The following ANKS1B variants were observed in gnomAD, a reference collection of about 807,000 sequenced individuals.
ANKS1B encodes ankyrin repeat and sterile alpha motif domain containing 1B.
ANKS1B carries 36 observed loss-of-function variants against 148.3 expected under a neutral mutation model. The ratio of observed to expected loss-of-function variants is 0.24; its 90% CI spans 0.19 to 0.32. ANKS1B has a LOEUF of 0.32. Ranked by LOEUF, ANKS1B falls within the 10% of genes least tolerant of loss-of-function variation. The probability of loss-of-function intolerance (pLI) is 1.00; values close to 1 mark genes in which losing one functional copy is unlikely to be tolerated. For synonymous variants in ANKS1B, 542 were observed against 560.8 expected (o/e 0.97, Z 0.47); for missense variants, 1,157 against 1,542.6 (o/e 0.75, Z 4.19).
chr12:99,953,593 GAA>G (rs5800394), intron 1 of ANKS1B, among the ~76,000 whole-genome samples: 3 of 142,352 alleles, frequency 2.1e-5, no homozygotes, highest in Admixed American at 7.0e-5. Flanking sequence ...GTTGTTTAAG[GAA>G]AAAAAAAAAA....
intron 17 of ANKS1B, among the ~76,000 whole-genome samples, chr12:98,923,619 G>A (rs77049708): frequency 0.019 from 2,893 of 152,276 alleles, 39 homozygotes; most frequent in Non-Finnish European, 0.031. Context: ...GAGTGAATCT[G>A]TAGAAACCAC....
At chr12:99,687,938 C>A (rs910288494) in intron 8 of ANKS1B, among the ~76,000 whole-genome samples, 10 of 152,228 alleles carry the variant, frequency 6.6e-5, no homozygotes, top group Non-Finnish European at 7.3e-5. Flanking sequence ...TTCTTTATAA[C>A]CAGGACATAG....
intron 10 of ANKS1B, among the ~76,000 whole-genome samples, chr12:99,495,827 A>T (rs1432009887): frequency 6.6e-6 from 1 of 152,224 alleles, no homozygotes; most frequent in Non-Finnish European, 1.5e-5. Context: ...TAATTTCAAA[A>T]TTTTGGCAAT....
intron 9 of ANKS1B, among the ~76,000 whole-genome samples, chr12:99,546,442 T>C (rs2097173437): frequency 6.6e-6 from 1 of 152,186 alleles, no homozygotes; most frequent in African/African-American, 2.4e-5. Context: ...TATGTTCTAG[T>C]CACTCTAGAA....
At chr12:99,263,896 T>C (rs2076177290) in intron 12 of ANKS1B, among the ~76,000 whole-genome samples, 1 of 152,160 alleles carries the variant, frequency 6.6e-6, no homozygotes, top group Non-Finnish European at 1.5e-5. Flanking sequence ...GTAGTATCTT[T>C]ATATCAGTGT....
chr12:99,984,079 C>T lies in ANKS1B; in HGVS notation c.134+25G>A, dbSNP rs775103782. ...CACAATGCATAATGAGGTGTGCCAA[C>T]CCCGGAGCTGGTGCCCGTCCTTACC... On this transcript the variant is annotated intron_variant, in intron 1 of 26. Coordinates refer to ENST00000683438, the MANE Select transcript of ANKS1B (RefSeq NM_001352186.2). The T allele has an allele frequency of 1.1e-5, 17 of 1,600,140 alleles. No homozygotes were observed. In the African/African-American group the frequency reaches 2.1e-4, roughly 20 times the overall value.
At chr12:99,113,110 A>T (rs971859204) in intron 15 of ANKS1B, among the ~76,000 whole-genome samples, 1 of 152,234 alleles carries the variant, frequency 6.6e-6, no homozygotes, top group Non-Finnish European at 1.5e-5. Context: ...TCTTTAATGC[A>T]GTGTTTTAGA....
chr12:99,180,526 G>T (rs1259706271), intron 14 of ANKS1B, among the ~76,000 whole-genome samples: 1 of 151,862 alleles, frequency 6.6e-6, no homozygotes, highest in African/African-American at 2.4e-5. Context: ...ACTGTTGGAG[G>T]TTTGTTTCTT....
At chr12:99,605,222 A>G (rs746103626) in intron 9 of ANKS1B, among the ~76,000 whole-genome samples, 20 of 152,110 alleles carry the variant, frequency 1.3e-4, no homozygotes, top group Admixed American at 4.6e-4. Flanking sequence ...ATTGATACAG[A>G]ATTATGCATA....
At position 99,155,039 on chromosome 12, in the gene ANKS1B, C is replaced by G. The variant is rs1389001660; in HGVS notation, c.2420-644G>C. On this transcript the variant is annotated intron_variant, in intron 14 of 26. Coordinates refer to ENST00000683438, the MANE Select transcript of ANKS1B (RefSeq NM_001352186.2). Reference sequence around the variant, plus strand: ...TGCAGAAAATAGCAAGATTCAAAAGCAAACCAAAGTGCTTAAATCTGAATT... The same window carrying G: ...TGCAGAAAATAGCAAGATTCAAAAGGAAACCAAAGTGCTTAAATCTGAATT... The G allele has an allele frequency of 2.0e-6, 3 of 1,535,058 alleles. No homozygotes were observed. The African/African-American group carries it at 4.1e-5, about 21-fold the overall frequency.
intron 12 of ANKS1B, among the ~76,000 whole-genome samples, chr12:99,305,857 G>A (rs1020100817): frequency 6.6e-6 from 1 of 152,110 alleles, no homozygotes; most frequent in Non-Finnish European, 1.5e-5. Context: ...TCCAGTAATG[G>A]AGAACCCATT....
At chr12:98,799,586 G>C (rs1210602109) in intron 21 of ANKS1B, among the ~76,000 whole-genome samples, 1 of 152,036 alleles carries the variant, frequency 6.6e-6, no homozygotes, top group African/African-American at 2.4e-5. Context: ...AGAGAGCTGG[G>C]TTCCTGGTGC....
At chr12:99,944,036 T>G (rs541299786) in intron 1 of ANKS1B, among the ~76,000 whole-genome samples, 8 of 151,970 alleles carry the variant, frequency 5.3e-5, no homozygotes, top group Admixed American at 5.2e-4. Context: ...TCCTGCTCCT[T>G]CTCCTATAAA....
chr12:99,334,566 C>T (rs1278755204), intron 12 of ANKS1B, among the ~76,000 whole-genome samples: 1 of 151,894 alleles, frequency 6.6e-6, no homozygotes, highest in South Asian at 2.1e-4. Context: ...GTTTGCATGC[C>T]CAGTTCCAAA....
chr12:99,790,994 A>G (rs988947980), intron 4 of ANKS1B, among the ~76,000 whole-genome samples: 3 of 152,044 alleles, frequency 2.0e-5, no homozygotes, highest in Admixed American at 6.6e-5. Flanking sequence ...CTGAATAGAT[A>G]AAAAACAAAA....
intron 17 of ANKS1B, among the ~76,000 whole-genome samples, chr12:99,022,820 G>T (rs1414337816): frequency 6.6e-6 from 1 of 152,046 alleles, no homozygotes; most frequent in Non-Finnish European, 1.5e-5. Flanking sequence ...CTGAGTCACT[G>T]GGAGTACAGG....
Position 99,054,034 on chromosome 12 carries a change from C to A in ANKS1B, c.2626-725G>T, listed in dbSNP as rs572887745. 3.3e-5 allele frequency among the ~76,000 whole-genome samples: 5 copies of A among 152,312 alleles called. No individual in the cohort carries two copies. The East Asian group carries it at 9.6e-4, about 29-fold the overall frequency. On this transcript the variant is annotated intron_variant, in intron 16 of 26. Coordinates refer to ENST00000683438, the MANE Select transcript of ANKS1B (RefSeq NM_001352186.2). ...AATTGGAGTGTGAAAGTAATTTAAGCAAGAGGAACTTCTGGGTTTAAAATT... is the reference window on the plus strand; with the variant it reads ...AATTGGAGTGTGAAAGTAATTTAAGAAAGAGGAACTTCTGGGTTTAAAATT...
intron 4 of ANKS1B, among the ~76,000 whole-genome samples, chr12:99,803,947 A>C (rs2067277345): frequency 6.6e-6 from 1 of 152,198 alleles, no homozygotes; most frequent in African/African-American, 2.4e-5. Context: ...TGTCTCCTCC[A>C]CTAAGCGTGG....
chr12:99,546,830 T>G (rs781350902), intron 9 of ANKS1B, among the ~76,000 whole-genome samples: 1 of 152,138 alleles, frequency 6.6e-6, no homozygotes, highest in Non-Finnish European at 1.5e-5. Context: ...AGGAGCTCAG[T>G]AAGGTTGGAG....
Sources: gnomAD v4.1 joint callset for allele counts (sites outside exome capture counted in the v4.1 genomes callset) on GRCh38, gnomAD v4.1.1 for gene constraint, MANE v1.5 for transcripts, NCBI Gene and HGNC (gene_info 2026-07-23, HGNC 2026-07-21) for gene names.